The following ADAMTS16 variants were observed in gnomAD, a reference collection of about 807,000 sequenced individuals.
ADAMTS16 encodes the protein A disintegrin and metalloproteinase with thrombospondin motifs 16.
A neutral mutation model predicts 145.8 loss-of-function variants in ADAMTS16; 94 were observed. The ratio of observed to expected loss-of-function variants is 0.64; its 90% CI spans 0.55 to 0.77. The LOEUF (loss-of-function observed/expected upper bound fraction) is 0.77. ADAMTS16 is among the 30% of genes least tolerant of loss of function. The pLI, the probability that ADAMTS16 is intolerant of heterozygous loss-of-function variation, is 0.00. For synonymous variants in ADAMTS16, 659 were observed against 604.3 expected, an observed-to-expected ratio of 1.09 and a Z score of -1.33; for missense variants, 1,585 against 1,591.5, an observed-to-expected ratio of 1.00 and a Z score of 0.07.
Position 5,239,673 on chromosome 5 carries a change from T to A in ADAMTS16, c.2279-8T>A. The A allele has an allele frequency of 6.2e-7, 1 of 1,612,778 alleles. No homozygotes were observed. Among genetic ancestry groups the A allele is most frequent in the Non-Finnish European group, 8.5e-7 (1 of 1,178,894 alleles). On this transcript the variant is annotated splice_polypyrimidine_tract_variant and splice_region_variant and intron_variant, in intron 15 of 22. Transcript: ENST00000274181. ...AAAAGCTGTATCTTCCCCATTTCCTTTATCTAGAGTATTATCACATGGTCA... is the reference window on the plus strand; with the variant it reads ...AAAAGCTGTATCTTCCCCATTTCCTATATCTAGAGTATTATCACATGGTCA...
intron 10 of ADAMTS16, among the ~76,000 whole-genome samples, chr5:5,210,879 T>C (rs1421478314): frequency 6.6e-6 from 1 of 152,212 alleles, no homozygotes. Flanking sequence ...TTTTGATTGA[T>C]CTTTAGTTTT....
chr5:5,305,302 ACAC>A, intron 20 of ADAMTS16, among the ~76,000 whole-genome samples: 1 of 90,804 alleles, frequency 1.1e-5, no homozygotes, highest in Non-Finnish European at 2.3e-5. Context: ...CCACACACAC[ACAC>A]ATCCCACACC....
intron 18 of ADAMTS16, among the ~76,000 whole-genome samples, chr5:5,301,908 G>T (rs35699759): frequency 0.19 from 29,522 of 152,160 alleles, 3,055 homozygotes; most frequent in South Asian, 0.29. Flanking sequence ...CTGGTGCCCT[G>T]CACTGATGTG....
At chr5:5,150,091 C>T (rs887241647) in intron 3 of ADAMTS16, among the ~76,000 whole-genome samples, 16 of 152,300 alleles carry the variant, frequency 1.1e-4, no homozygotes, top group African/African-American at 3.9e-4. Flanking sequence ...CTACACTTAA[C>T]GTTTTGAGGA....
intron 18 of ADAMTS16, among the ~76,000 whole-genome samples, chr5:5,271,182 G>A (rs1451852583): frequency 6.6e-6 from 1 of 152,256 alleles, no homozygotes; most frequent in Non-Finnish European, 1.5e-5. Flanking sequence ...CAGCCTTGCA[G>A]GCTCCTGCAA....
intron 18 of ADAMTS16, among the ~76,000 whole-genome samples, chr5:5,296,982 C>A (rs1257978597): frequency 1.3e-5 from 2 of 152,110 alleles, no homozygotes; most frequent in African/African-American, 2.4e-5. Context: ...AGCACAGAAA[C>A]CTGAAGAGGG....
In ADAMTS16 at chr5:5,317,349, C is replaced by A. The variant is rs1358501599; in HGVS notation, c.3412-785C>A. Reference sequence around the variant, plus strand: ...TAATTTGAGGAGATAATATGCCAATCCATGAATATCAGCTTTTTTAATCAG... The same window carrying A: ...TAATTTGAGGAGATAATATGCCAATACATGAATATCAGCTTTTTTAATCAG... On this transcript the variant is annotated intron_variant, in intron 21 of 22. Coordinates refer to ENST00000274181, the MANE Select transcript of ADAMTS16 (RefSeq NM_139056.4). This position sits in a 1 kb window ranked among gnomAD's most constrained non-coding sequence, Gnocchi z 4.5. Among the ~76,000 whole-genome samples, 2 of 152,146 alleles carry A rather than the reference C, an allele frequency of 1.3e-5. No homozygotes were observed. The highest frequency in any genetic ancestry group is 2.9e-5 in the Non-Finnish European group (2 of 68,036).
chr5:5,210,034 T>C (rs1054793974), intron 10 of ADAMTS16, among the ~76,000 whole-genome samples: 2 of 152,072 alleles, frequency 1.3e-5, no homozygotes, highest in African/African-American at 4.8e-5. Flanking sequence ...CAAGCAGAGC[T>C]CCCCCAAAGA....
chr5:5,195,854 A>G (rs2126584185), intron 8 of ADAMTS16, among the ~76,000 whole-genome samples: 1 of 152,346 alleles, frequency 6.6e-6, no homozygotes, highest in Middle Eastern at 3.4e-3. Flanking sequence ...ATAAATAGAT[A>G]TGCCATGCAA....
intron 17 of ADAMTS16, 64 bp from the exon 18 acceptor site, chr5:5,262,593 C>A: frequency 6.4e-7 from 1 of 1,553,542 alleles, no homozygotes; most frequent in Non-Finnish European, 8.7e-7. Flanking sequence ...ATTAGCTCAT[C>A]ATCTGCCTTT....
chr5:5,210,649 T>C, intron 10 of ADAMTS16, among the ~76,000 whole-genome samples: 1 of 152,180 alleles, frequency 6.6e-6, no homozygotes, highest in East Asian at 1.9e-4. Context: ...ATAGTAACAT[T>C]AAAAGTAAAT....
At chr5:5,143,569 G>A (rs964138235) in intron 2 of ADAMTS16, among the ~76,000 whole-genome samples, 5 of 152,192 alleles carry the variant, frequency 3.3e-5, no homozygotes, top group Non-Finnish European at 7.3e-5. Flanking sequence ...AAGACAGTGT[G>A]GCGATTCCTC....
intron 18 of ADAMTS16, among the ~76,000 whole-genome samples, chr5:5,287,681 G>T (rs973894819): frequency 1.3e-5 from 2 of 152,150 alleles, no homozygotes; most frequent in African/African-American, 4.8e-5. Flanking sequence ...TTTCACGGAC[G>T]GTGTCAGCTT....
chr5:5,189,975 G>A lies in ADAMTS16; in HGVS notation c.1052G>A (p.Gly351Glu). Residue 351 changes from glycine to glutamate, a missense_variant, in exon 7 of 23, where the codon GGA (glycine) becomes GAA (glutamate). Physicochemically the swap from Gly to Glu is moderately conservative, Grantham distance 98. Transcript: ENST00000274181. ...CGGTCCTTGTCTCTTGCACAGCCAG[G>A]ACTGGTGATAAGTCACCACGCAGAC... ...GLILLEDEQP[G>E]LVISHHADHT... 1 of 1,610,564 alleles carries A rather than the reference G, an allele frequency of 6.2e-7. No individual in the cohort carries two copies. The highest frequency in any genetic ancestry group is 8.5e-7 in the Non-Finnish European group (1 of 1,178,778).
intron 14 of ADAMTS16, among the ~76,000 whole-genome samples, chr5:5,238,453 G>C (rs34901924): frequency 3.2e-3 from 486 of 152,166 alleles, no homozygotes; most frequent in Middle Eastern, 0.027. Context: ...TCACCTTTTA[G>C]ACATAGGTCT....
chr5:5,286,817 C>T (rs1329005883), intron 18 of ADAMTS16, among the ~76,000 whole-genome samples: 1 of 143,144 alleles, frequency 7.0e-6, no homozygotes, highest in Non-Finnish European at 1.5e-5. Context: ...GAGATAGTGC[C>T]ACTGCACTCC....
intron 17 of ADAMTS16, among the ~76,000 whole-genome samples, chr5:5,258,320 A>G (rs1737867599): frequency 1.3e-5 from 2 of 152,188 alleles, no homozygotes; most frequent in Non-Finnish European, 2.9e-5. Flanking sequence ...CTCAAATAGA[A>G]ATCAATGGTG....
chr5:5,168,791 C>T (rs12187303), intron 3 of ADAMTS16, among the ~76,000 whole-genome samples: 34,720 of 139,608 alleles, frequency 0.25, 4,525 homozygotes, highest in Middle Eastern at 0.35. Context: ...AGATAGAGCC[C>T]TTATTTTCCA....
rs559269977 is a variant in ADAMTS16 at position 5,306,691 on chromosome 5, C to G, written c.3374C>G (p.Pro1125Arg). 2 of 1,613,312 alleles carry G rather than the reference C, an allele frequency of 1.2e-6. No homozygotes were observed. Among genetic ancestry groups the G allele is most frequent in the African/African-American group, 2.7e-5 (2 of 75,054 alleles). The change falls in exon 21 of 23, where the codon CCC (proline) becomes CGC (arginine). Residue 1125 changes from proline to arginine, a missense_variant. Transcript: ENST00000274181. ...PRHPPFAAAG[P>R]SRGSWFASPW... ...CACCCCCCATTTGCTGCTGCGGGAC[C>G]CTCGAGGGGCAGCTGGTTTGCCTCA...
Sources: gnomAD v4.1 joint callset for allele counts (sites outside exome capture counted in the v4.1 genomes callset) on GRCh38, gnomAD v4.1.1 for gene constraint, Gnocchi (gnomAD v3.1) non-coding constraint, MANE v1.5 for transcripts, NCBI Gene and HGNC (gene_info 2026-07-23, HGNC 2026-07-21) for gene names.